Variants in PHACTR2 observed in about 807,000 individuals in gnomAD.
PHACTR2 encodes chromosome 6 open reading frame 56.
In PHACTR2, 30 loss-of-function variants were observed where a neutral mutation model predicts 76.0. The observed-to-expected ratio is 0.39, with a 90% CI of 0.30 to 0.54. The LOEUF (loss-of-function observed/expected upper bound fraction) is 0.54. Among genes scored for constraint, PHACTR2 ranks in the 20% least tolerant of loss-of-function variants. PHACTR2 has a pLI of 0.61. For missense variants in PHACTR2, 696 were observed against 781.1 expected (o/e 0.89, Z 1.30); for synonymous variants, 292 against 292.5 (o/e 1.00, Z 0.02).
At chr6:143,638,892 A>G (rs1776515560) in intron 1 of PHACTR2, among the ~76,000 whole-genome samples, 1 of 152,218 alleles carries the variant, frequency 6.6e-6, no homozygotes, top group South Asian at 2.1e-4. Flanking sequence ...TTCCTGCCCA[A>G]TTGCATATTT....
upstream of PHACTR2, among the ~76,000 whole-genome samples, chr6:143,604,104 A>G (rs1170951309): frequency 2.6e-5 from 4 of 151,792 alleles, no homozygotes; most frequent in Admixed American, 2.6e-4. Context: ...TTCAAAAAAA[A>G]AAAAAAAAAA....
At chr6:143,630,730 A>C (rs7741506) in intron 1 of PHACTR2, among the ~76,000 whole-genome samples, 97,308 of 152,076 alleles carry the variant, frequency 0.64, 33,107 homozygotes, top group Middle Eastern at 0.78. Context: ...GTTATGGTAC[A>C]ATGCCATTTA....
chr6:143,808,702 ACTT>A (rs773146196), intron 12 of PHACTR2, among the ~76,000 whole-genome samples: 61 of 152,254 alleles, frequency 4.0e-4, no homozygotes, highest in East Asian at 2.1e-3. Flanking sequence ...AGCTGAATGT[ACTT>A]CTTCTTTATT....
chr6:143,677,561 A>G (rs1383347157), upstream of PHACTR2, among the ~76,000 whole-genome samples: 1 of 152,226 alleles, frequency 6.6e-6, no homozygotes, highest in Non-Finnish European at 1.5e-5. Context: ...TTTTTAAAAA[A>G]TTATATTTGT....
intron 1 of PHACTR2, among the ~76,000 whole-genome samples, chr6:143,636,031 A>G (rs1776445819): frequency 6.6e-6 from 1 of 152,160 alleles, no homozygotes; most frequent in Non-Finnish European, 1.5e-5. Context: ...AACATGGCAA[A>G]ACCTTGTCTC....
chr6:143,718,888 T>TG lies in PHACTR2; in HGVS notation c.214+6705_214+6706insG, dbSNP rs200431727. Among the ~76,000 whole-genome samples, 1,400 of 142,278 alleles carry TG rather than the reference T, an allele frequency of 9.8e-3. 18 individuals are homozygous for TG. Among genetic ancestry groups the TG allele is most frequent in the African/African-American group, 0.032 (1,262 of 39,008 alleles). 93.3% of individuals were successfully genotyped at this position (142,278 alleles called of 152,430 possible). A position where few individuals can be genotyped will look rare whatever the true frequency, so the allele number is the denominator to read the frequency against. ...AAAGTTGGAAGTGTTTTTTTTTTTT[T>TG]TTTTTTTTTTTGGAGACAGAGTCTC... On this transcript the variant is annotated intron_variant, in intron 2 of 12. Transcript: ENST00000440869.
Position 143,739,860 on chromosome 6 carries a change from G to C in PHACTR2, c.215-9125G>C, listed in dbSNP as rs554331203. On this transcript the variant is annotated intron_variant, in intron 2 of 12. Coordinates refer to ENST00000440869, the MANE Select transcript of PHACTR2 (RefSeq NM_001100164.2). This position sits in a 1 kb window ranked among gnomAD's most constrained non-coding sequence, Gnocchi z 4.3. ...ATCACCTCTTCCCTCCTCCCACCTC[G>C]GTCTTATCTGTGACCTCCTACTACC... is the stretch of plus-strand genomic sequence containing the variant. 8.9e-4 allele frequency among the ~76,000 whole-genome samples: 135 copies of C among 152,104 alleles called. No individual in the cohort carries two copies. The highest frequency in any genetic ancestry group is 1.8e-3 in the Admixed American group (27 of 15,280).
chr6:143,752,282 A>T (rs1779199573), intron 3 of PHACTR2, among the ~76,000 whole-genome samples: 1 of 152,064 alleles, frequency 6.6e-6, no homozygotes, highest in East Asian at 1.9e-4. Flanking sequence ...AAAACTGAAG[A>T]TTTTTATACA....
rs911283561 is a variant in PHACTR2, at chr6:143,820,630, A to G, written c.1923-3044A>G. On this transcript the variant is annotated intron_variant, in intron 12 of 12. Transcript: ENST00000440869. The surrounding 1 kb of genome is among the most constrained non-coding windows in gnomAD (Gnocchi z 4.2). ...AAGGTGCAGCCCCCAGGCTGATCTC[A>G]CAGGCTGGCGTTGAATGTCTGTGGC... is the stretch of plus-strand genomic sequence containing the variant. 4.6e-5 allele frequency among the ~76,000 whole-genome samples: 7 copies of G among 152,242 alleles called. No individual in the cohort carries two copies. Among genetic ancestry groups the G allele is most frequent in the Admixed American group, 4.6e-4 (7 of 15,286 alleles).
At chr6:143,706,929 C>T (rs1002497128) in intron 1 of PHACTR2, among the ~76,000 whole-genome samples, 1 of 152,184 alleles carries the variant, frequency 6.6e-6, no homozygotes. Flanking sequence ...AGATGTTGTA[C>T]ATCCGCCCTT....
chr6:143,660,167 T>G (rs1443854057), intron 1 of PHACTR2, among the ~76,000 whole-genome samples: 1 of 151,764 alleles, frequency 6.6e-6, no homozygotes, highest in Non-Finnish European at 1.5e-5. Flanking sequence ...TTTTCCTATT[T>G]CTCCTGGTAC....
At position 143,608,485 on chromosome 6, in the gene PHACTR2, A is replaced by G. The variant is rs974168495; in HGVS notation, c.13+163A>G. Among the ~76,000 whole-genome samples the G allele has an allele frequency of 6.6e-6, 1 of 152,236 alleles. No individual in the cohort carries two copies. Among genetic ancestry groups the G allele is most frequent in the African/African-American group, 2.4e-5 (1 of 41,468 alleles). ...ACCCCGATGCATTGTCCACAAGACA[A>G]TTAGTGTTTACTTTGAAGTTTAGGA... On this transcript the variant is annotated intron_variant, in intron 1 of 11. Coordinates refer to the PHACTR2 transcript ENST00000305766. This position sits in a 1 kb window ranked among gnomAD's most constrained non-coding sequence, Gnocchi z 4.6.
At chr6:143,569,746 G>A (rs866899632) in intron 1 of PHACTR2, among the ~76,000 whole-genome samples, 1 of 152,024 alleles carries the variant, frequency 6.6e-6, no homozygotes, top group South Asian at 2.1e-4. Flanking sequence ...ATTCTTAGTG[G>A]TTGCATAAAT....
rs990031036 is a variant in PHACTR2 at position 143,751,917 on chromosome 6, A to G, written c.296-1837A>G. Among the ~76,000 whole-genome samples the G allele has an allele frequency of 2.6e-5, 4 of 152,108 alleles. No individual in the cohort carries two copies. Among genetic ancestry groups the G allele is most frequent in the Non-Finnish European group, 5.9e-5 (4 of 68,016 alleles). ...TTTCAATATACACACCAGCTAATTA[A>G]TAACTTTACTTCCCCTCTGTTTTGT... is the stretch of plus-strand genomic sequence containing the variant. On this transcript the variant is annotated intron_variant, in intron 3 of 12. Transcript: ENST00000440869. The surrounding 1 kb of genome is among the most constrained non-coding windows in gnomAD (Gnocchi z 5.7).
Position 143,772,444 on chromosome 6 carries a change from TGGC to T in PHACTR2, c.1420_1422del (p.Gly474del). On this transcript the variant is annotated inframe_deletion, in exon 7 of 13. Transcript: ENST00000440869. This position sits in a 1 kb window ranked among gnomAD's most constrained non-coding sequence, Gnocchi z 5.4. ...ATGAGGACGAAGACGAAGATGAGGA[TGGC>T]AGTGGAGAAAGTAAGACTGTTTTCA... The T allele has an allele frequency of 1.9e-6, 3 of 1,613,688 alleles. No individual in the cohort carries two copies. Among genetic ancestry groups the T allele is most frequent in the Non-Finnish European group, 2.5e-6 (3 of 1,179,700 alleles).
rs1484105678 is a variant in PHACTR2, at chr6:143,589,650, G to A, written c.217+52443G>A. Among the ~76,000 whole-genome samples the A allele has an allele frequency of 6.6e-6, 1 of 152,074 alleles. No individual in the cohort carries two copies. Among genetic ancestry groups the A allele is most frequent in the Non-Finnish European group, 1.5e-5 (1 of 68,028 alleles). ...ATTTCCTCTTCTTATACAAACACCA[G>A]CCAGATTGAAGTGGGGCTCACTCTA... is the stretch of plus-strand genomic sequence containing the variant. On this transcript the variant is annotated intron_variant, in intron 1 of 11. Transcript: ENST00000367584. The surrounding 1 kb of genome is among the most constrained non-coding windows in gnomAD (Gnocchi z 4.4).
Position 143,623,150 on chromosome 6 carries a change from C to A in PHACTR2, c.13+14828C>A, listed in dbSNP as rs1390820074. Among the ~76,000 whole-genome samples, 2 of 151,968 alleles carry A rather than the reference C, an allele frequency of 1.3e-5. No homozygotes were observed. The highest frequency in any genetic ancestry group is 2.9e-5 in the Non-Finnish European group (2 of 67,998). On this transcript the variant is annotated intron_variant, in intron 1 of 11. Transcript: ENST00000305766. The surrounding 1 kb of genome is among the most constrained non-coding windows in gnomAD (Gnocchi z 5.9). Reference sequence around the variant, plus strand: ...TTTTTAAAAATAGCATATTTTTAGACATGATTTAGTATATGTATTTTAAAC... The same window carrying A: ...TTTTTAAAAATAGCATATTTTTAGAAATGATTTAGTATATGTATTTTAAAC...
intron 1 of PHACTR2, among the ~76,000 whole-genome samples, chr6:143,587,297 A>G (rs1003534215): frequency 1.3e-5 from 2 of 152,270 alleles, no homozygotes; most frequent in African/African-American, 2.4e-5. Context: ...GAACGATGTT[A>G]ACATCAGGCA....
intron 1 of PHACTR2, among the ~76,000 whole-genome samples, chr6:143,584,980 T>TA (rs34747367): frequency 0.31 from 43,478 of 138,250 alleles, 7,244 homozygotes; most frequent in Non-Finnish European, 0.39. Flanking sequence ...CTACCCAGAT[T>TA]AAAAAAAAAA....
Sources: gnomAD v4.1 joint callset for allele counts (sites outside exome capture counted in the v4.1 genomes callset) on GRCh38, gnomAD v4.1.1 for gene constraint, Gnocchi (gnomAD v3.1) non-coding constraint, MANE v1.5 for transcripts, NCBI Gene and HGNC (gene_info 2026-07-23, HGNC 2026-07-21) for gene names.